Variants in PARVG observed in about 807,000 individuals in gnomAD.
The protein encoded by PARVG is parvin gamma, also known as gamma-parvin.
A neutral mutation model predicts 44.4 loss-of-function variants in PARVG; 36 were observed. The observed-to-expected ratio is 0.81, with a 90% CI of 0.62 to 1.07. The LOEUF is 1.07. Among genes scored for constraint, PARVG ranks in the 50% least tolerant of loss-of-function variants. The pLI, the probability that PARVG is intolerant of heterozygous loss-of-function variation, is 0.00. For missense variants in PARVG, 407 were observed against 407.4 expected, an observed-to-expected ratio of 1.00 and a Z score of 0.01; for synonymous variants, 170 against 174.1, an observed-to-expected ratio of 0.98 and a Z score of 0.19.
In PARVG at chr22:44,206,550, G is replaced by C. The variant is rs1298465532; in HGVS notation, c.*124G>C. On this transcript the variant is annotated 3_prime_UTR_variant, in exon 14 of 14. Coordinates refer to ENST00000444313, the MANE Select transcript of PARVG (RefSeq NM_022141.7). Reference sequence around the variant, plus strand: ...TCGTGACCCGCTTCCCTCCCACCCTGTCTCCTGTCTCCATCGTTGGATTAT... The same window carrying C: ...TCGTGACCCGCTTCCCTCCCACCCTCTCTCCTGTCTCCATCGTTGGATTAT... 2 of 781,020 alleles carry C rather than the reference G, an allele frequency of 2.6e-6. No individual in the cohort carries two copies. The highest frequency in any genetic ancestry group is 3.0e-5 in the South Asian group (2 of 67,752). 48.4% of individuals were successfully genotyped at this position (781,020 alleles called of 1,614,324 possible).
At chr22:44,186,824 G>C (rs2054478526) in intron 4 of PARVG, 1 of 379,468 alleles carries the variant, frequency 2.6e-6, no homozygotes. Flanking sequence ...GGGTACCCTG[G>C]AGCCAGCATA....
At chr22:44,205,720 G>T in intron 12 of PARVG, 37 bp from the exon 13 acceptor site, 1 of 1,611,984 alleles carries the variant, frequency 6.2e-7, no homozygotes, top group Non-Finnish European at 8.5e-7. Flanking sequence ...TGGGGCTGCT[G>T]CTTGTGCCCA....
At chr22:44,185,752 G>A (rs765263736) in intron 3 of PARVG, 56 bp from the exon 4 acceptor site, 14 of 1,485,396 alleles carry the variant, frequency 9.4e-6, no homozygotes, top group Non-Finnish European at 1.2e-5. Flanking sequence ...TGCAGGGAGT[G>A]TGGCCAAGCG....
upstream of PARVG, among the ~76,000 whole-genome samples, chr22:44,180,179 A>G (rs1466821716): frequency 3.9e-5 from 6 of 152,076 alleles, no homozygotes; most frequent in Non-Finnish European, 8.8e-5. Flanking sequence ...CAAAGGCCAC[A>G]GCTCCTATCC....
At position 44,196,406 on chromosome 22, in the gene PARVG, G is replaced by A; in HGVS notation, c.702G>A (p.Leu234=). The part of the protein sequence containing the change: ...LDRLGLSVQN[L]DTQFADGVIL... Reference sequence around the variant, plus strand: ...GCCTGGGCCTGTCTGTGCAGAATCTGGACACCCAGGTAGGGACTGAGCTGC... The same window carrying A: ...GCCTGGGCCTGTCTGTGCAGAATCTAGACACCCAGGTAGGGACTGAGCTGC... The change falls in exon 11 of 14, where the codon CTG becomes CTA. Residue 234 remains leucine, a synonymous_variant. Transcript: ENST00000444313. 1.9e-6 allele frequency: 3 copies of A among 1,614,200 alleles called. No individual in the cohort carries two copies. Among genetic ancestry groups the A allele is most frequent in the Non-Finnish European group, 2.5e-6 (3 of 1,180,042 alleles).
chr22:44,189,719 C>A (rs903595001), intron 6 of PARVG, among the ~76,000 whole-genome samples: 4 of 152,136 alleles, frequency 2.6e-5, no homozygotes, highest in Admixed American at 1.3e-4. Context: ...GAGTTTGAGA[C>A]CAGCCTGGTC....
intron 12 of PARVG, among the ~76,000 whole-genome samples, chr22:44,199,699 C>T (rs1308653922): frequency 6.6e-6 from 1 of 152,120 alleles, no homozygotes; most frequent in East Asian, 1.9e-4. Flanking sequence ...GGCATTGCAT[C>T]AGAGGGGAGC....
intron 1 of PARVG, chr22:44,173,253 G>A: frequency 2.6e-6 from 3 of 1,173,612 alleles, no homozygotes; most frequent in Non-Finnish European, 3.2e-6. Flanking sequence ...CACAAAGCTA[G>A]CGGCCAGGAG....
At chr22:44,179,637 T>TAA (rs1312190551), upstream of PARVG, among the ~76,000 whole-genome samples, 11 of 152,230 alleles carry the variant, frequency 7.2e-5, 1 homozygote, top group Admixed American at 3.3e-4. The surrounding 1 kb of genome is among the most constrained non-coding windows in gnomAD (Gnocchi z 4.2). Flanking sequence ...AGAACTCCAT[T>TAA]CTCTAACAGT....
rs994490565 is a variant in PARVG, at chr22:44,197,223, C to T, written c.711+808C>T. The stretch of plus-strand genomic sequence containing the variant: ...ACCTCTCAGAGAGACTCTGGATGGG[C>T]ATTGGCTGGGGAGGGAGGGGTTAAT... On this transcript the variant is annotated intron_variant, in intron 11 of 13. Transcript: ENST00000444313. Among the ~76,000 whole-genome samples the T allele has an allele frequency of 7.2e-5, 11 of 152,128 alleles. No homozygotes were observed. The East Asian group carries it at 2.1e-3, about 29-fold the overall frequency.
chr22:44,188,858 A>G (rs547902015), intron 5 of PARVG: 11 of 525,090 alleles, frequency 2.1e-5, no homozygotes, highest in Non-Finnish European at 3.8e-5. Flanking sequence ...CAACCAGCTC[A>G]GGGGGCTGAG....
At chr22:44,192,945 C>T (rs576641637) in intron 8 of PARVG, among the ~76,000 whole-genome samples, 15 of 152,320 alleles carry the variant, frequency 9.8e-5, no homozygotes, top group Admixed American at 7.8e-4. Context: ...CGCTAACTCA[C>T]GATCTCTCAC....
intron 12 of PARVG, among the ~76,000 whole-genome samples, 191 bp downstream of exon 12, chr22:44,198,913 TCCATCCATCTAC>T (rs2054657321): frequency 2.2e-5 from 1 of 46,232 alleles, no homozygotes; most frequent in South Asian, 7.0e-4. Context: ...CATCTACCCA[TCCATCCATCTAC>T]CCATCCATCC....
At position 44,181,921 on chromosome 22, in the gene PARVG, A is replaced by G. The variant is rs912761882; in HGVS notation, c.-13+4A>G. On this transcript the variant is annotated splice_donor_region_variant and intron_variant, in intron 2 of 13. Coordinates refer to ENST00000444313, the MANE Select transcript of PARVG (RefSeq NM_022141.7). ...TTCCTGCGTGGAAAGCGGTTGGGTG[A>G]GTTCTGGCATCGGGGCCACCATACT... The G allele has an allele frequency of 2.0e-5, 20 of 985,574 alleles. No individual in the cohort carries two copies. The Admixed American group carries it at 6.8e-4, about 33-fold the overall frequency. 61.1% of individuals were successfully genotyped at this position (985,574 alleles called of 1,614,324 possible).
intron 4 of PARVG, chr22:44,187,337 A>T (rs1425001972): frequency 9.7e-6 from 2 of 207,048 alleles, no homozygotes; most frequent in African/African-American, 4.6e-5. Flanking sequence ...GTCCAATGTC[A>T]TGTCCCTCAT....
chr22:44,196,237 C>G (rs201936979), intron 10 of PARVG, 24 bp downstream of exon 10: 46 of 1,614,030 alleles, frequency 2.9e-5, no homozygotes, highest in Non-Finnish European at 3.6e-5. Context: ...AAGCTCTCAG[C>G]GGCTCTCAGG....
At chr22:44,193,895 G>C (rs1019145152) in intron 9 of PARVG, 72 bp downstream of exon 9, 1 of 1,560,942 alleles carries the variant, frequency 6.4e-7, no homozygotes, top group Non-Finnish European at 8.8e-7. Context: ...TCTTAATGCA[G>C]GGTTAATTGC....
At chr22:44,173,891 C>A (rs906304988) in intron 1 of PARVG, among the ~76,000 whole-genome samples, 1 of 152,176 alleles carries the variant, frequency 6.6e-6, no homozygotes, top group Non-Finnish European at 1.5e-5. Flanking sequence ...CCCCCCTGTG[C>A]ACTGTGCTGA....
intron 1 of PARVG, among the ~76,000 whole-genome samples, chr22:44,174,334 C>T (rs1241028182): frequency 6.6e-6 from 1 of 152,160 alleles, no homozygotes; most frequent in East Asian, 1.9e-4. Context: ...CGAGAAGGAA[C>T]AGGACCTGAG....
Sources: allele counts gnomAD v4.1 joint callset (sites outside exome capture counted in the v4.1 genomes callset), GRCh38; gene constraint gnomAD v4.1.1; non-coding constraint Gnocchi (gnomAD v3.1); transcripts MANE v1.5; gene names NCBI Gene and HGNC (gene_info 2026-07-23, HGNC 2026-07-21).